KIAA1549L: variants seen among roughly 807,000 people sequenced by gnomAD.
The protein encoded by KIAA1549L is UPF0606 protein KIAA1549L.
In KIAA1549L, 88 loss-of-function variants were observed where a neutral mutation model predicts 160.7. The observed-to-expected ratio is 0.55, with a 90% CI of 0.46 to 0.65. The LOEUF is 0.65. Among genes scored for constraint, KIAA1549L ranks in the 30% least tolerant of loss-of-function variants. KIAA1549L has a pLI of 0.00. For synonymous variants in KIAA1549L, 950 were observed against 976.7 expected (o/e 0.97, Z 0.51); for missense variants, 2,258 against 2,437.5 (o/e 0.93, Z 1.55).
chr11:33,655,274 G>C (rs1272399085), intron 17 of KIAA1549L, among the ~76,000 whole-genome samples: 2 of 151,968 alleles, frequency 1.3e-5, no homozygotes, highest in Non-Finnish European at 2.9e-5. Flanking sequence ...CACACACACA[G>C]ACTTACCTGA....
At chr11:33,597,985 A>G (rs561182503) in intron 12 of KIAA1549L, among the ~76,000 whole-genome samples, 9 of 152,258 alleles carry the variant, frequency 5.9e-5, no homozygotes, top group African/African-American at 2.2e-4. Flanking sequence ...TTTTAAAAGC[A>G]CGCAGTAAAG....
intron 1 of KIAA1549L, among the ~76,000 whole-genome samples, chr11:33,428,635 C>A (rs1430615046): frequency 1.3e-5 from 2 of 152,112 alleles, no homozygotes; most frequent in Non-Finnish European, 2.9e-5. Flanking sequence ...TTAACTCATC[C>A]TTTTTTATGG....
chr11:33,515,660 G>C (rs1319302644), intron 1 of KIAA1549L, among the ~76,000 whole-genome samples: 6 of 152,182 alleles, frequency 3.9e-5, no homozygotes, highest in African/African-American at 1.4e-4. Flanking sequence ...TGCAGCGTGG[G>C]ATACAAGTCT....
intron 16 of KIAA1549L, among the ~76,000 whole-genome samples, chr11:33,628,714 A>G (rs1851188344): frequency 6.7e-6 from 1 of 149,142 alleles, no homozygotes; most frequent in South Asian, 2.2e-4. Context: ...AATACAGCAC[A>G]CTGATGGGTC....
rs867313500 is a variant in KIAA1549L, at chr11:33,673,338, C to A, written c.*5184C>A. On this transcript the variant is annotated 3_prime_UTR_variant, in exon 21 of 21. Transcript: ENST00000658780. ...TTTGCAAATTATGGAGAGAGGCCAT[C>A]AACATATTTTACATAAATTACTGTG... 5.3e-5 allele frequency: 8 copies of A among 152,272 alleles called. No individual in the cohort carries two copies. In the South Asian group the frequency reaches 1.7e-3, roughly 32 times the overall value. The allele number at this position is 152,272 out of a possible 1,614,324, so 9.4% of individuals were successfully genotyped here.
Position 33,606,788 on chromosome 11 carries a change from G to C in KIAA1549L, c.5027G>C (p.Arg1676Thr). ...ALPMVPPTSD[R>T]SQESSAVLNG... ...CCCATGGTGCCCCCCACCTCGGACA[G>C]GAGCCAGGAGTCATCGGCAGTCCTC... Residue 1676 changes from arginine (R) to threonine (T), a missense_variant, in exon 14 of 21, where the codon AGG becomes ACG. This residue lies in a region of KIAA1549L where 1,359 missense variants were observed against 1,546.6 expected (regional missense o/e 0.88). Coordinates refer to ENST00000658780, the MANE Select transcript of KIAA1549L (RefSeq NM_012194.3). The C allele has an allele frequency of 6.2e-7, 1 of 1,612,660 alleles. No homozygotes were observed. The highest frequency in any genetic ancestry group is 8.5e-7 in the Non-Finnish European group (1 of 1,179,324).
chr11:33,521,062 G>T (rs1249435966), intron 1 of KIAA1549L, among the ~76,000 whole-genome samples: 1 of 152,128 alleles, frequency 6.6e-6, no homozygotes, highest in African/African-American at 2.4e-5. Flanking sequence ...AGCTACTCAG[G>T]AGGCTGAGGT....
intron 1 of KIAA1549L, among the ~76,000 whole-genome samples, chr11:33,418,940 C>G (rs1391331960): frequency 1.3e-5 from 2 of 150,844 alleles, no homozygotes; most frequent in African/African-American, 4.9e-5. Flanking sequence ...GGCTCTGTCA[C>G]CCAGGCTGGA....
At chr11:33,609,662 T>C (rs1590394345) in intron 14 of KIAA1549L, 87 bp from the exon 15 acceptor site, 1 of 1,100,354 alleles carries the variant, frequency 9.1e-7, no homozygotes, top group Middle Eastern at 2.9e-4. Flanking sequence ...TGATGGCTTT[T>C]TTAGAAGTGA....
chr11:33,594,380 G>C (rs77551315), intron 12 of KIAA1549L, among the ~76,000 whole-genome samples: 5,543 of 152,164 alleles, frequency 0.036, 339 homozygotes, highest in African/African-American at 0.13. Context: ...GGTTCTTCTG[G>C]TCTCAGCTAG....
chr11:33,533,933 C>G (rs924342290), intron 1 of KIAA1549L, among the ~76,000 whole-genome samples: 1 of 152,188 alleles, frequency 6.6e-6, no homozygotes, highest in Non-Finnish European at 1.5e-5. Context: ...ACTAATTCCC[C>G]CTTGTGGGAA....
At position 33,547,485 on chromosome 11, in the gene KIAA1549L, G is replaced by A. The variant is rs180995096; in HGVS notation, c.3386-279G>A. On this transcript the variant is annotated intron_variant, in intron 3 of 20. Coordinates refer to ENST00000658780, the MANE Select transcript of KIAA1549L (RefSeq NM_012194.3). ...ATCTCATCGCATGCACTGTCGAGCC[G>A]GCTTTCAAAGTCAGAGGCAGCATCT... Among the ~76,000 whole-genome samples the A allele has an allele frequency of 1.4e-4, 22 of 152,294 alleles. No individual in the cohort carries two copies. In the East Asian group the frequency reaches 3.7e-3, roughly 25 times the overall value.
chr11:33,639,027 A>C (rs1851516629), intron 16 of KIAA1549L, among the ~76,000 whole-genome samples: 1 of 152,110 alleles, frequency 6.6e-6, no homozygotes, highest in Non-Finnish European at 1.5e-5. Flanking sequence ...AAATCCTAAT[A>C]TTTTCTTGTG....
At chr11:33,393,619 A>G (rs960946630) in intron 1 of KIAA1549L, among the ~76,000 whole-genome samples, 3 of 152,226 alleles carry the variant, frequency 2.0e-5, no homozygotes, top group East Asian at 1.9e-4. Flanking sequence ...GGAAGATACT[A>G]TAAAGTCAAG....
chr11:33,408,339 C>T (rs368036868), intron 1 of KIAA1549L, among the ~76,000 whole-genome samples: 41 of 151,998 alleles, frequency 2.7e-4, no homozygotes, highest in Non-Finnish European at 4.3e-4. Flanking sequence ...ATAGCATCTG[C>T]GTGATCTTGG....
intron 1 of KIAA1549L, among the ~76,000 whole-genome samples, chr11:33,381,587 C>A (rs185333434): frequency 1.3e-4 from 20 of 152,210 alleles, no homozygotes; most frequent in African/African-American, 3.1e-4. Flanking sequence ...TGACTGGGTA[C>A]TTTAGTTGGA....
At position 33,542,991 on chromosome 11, in the gene KIAA1549L, C is replaced by T; in HGVS notation, c.1428C>T (p.Ile476=). Residue 476 remains isoleucine (I), a synonymous_variant, in exon 2 of 21, where the codon ATC becomes ATT. Transcript: ENST00000658780. ...CTTCTTTGGTGCCTTCTCTGCATAT[C>T]ACCACACTGGGTCAAGAGCAAGCCA... The part of the protein sequence containing the change: ...HTSSLVPSLH[I]TTLGQEQAIL... 6.2e-7 allele frequency: 1 copy of T among 1,614,012 alleles called. No individual in the cohort carries two copies. Among genetic ancestry groups the T allele is most frequent in the Non-Finnish European group, 8.5e-7 (1 of 1,179,894 alleles).
chr11:33,598,761 G>A, intron 12 of KIAA1549L, 59 bp from the exon 13 acceptor site: 1 of 1,598,748 alleles, frequency 6.3e-7, no homozygotes, highest in Admixed American at 1.7e-5. Context: ...AAATAACCTT[G>A]AGAGGCGGCT....
chr11:33,475,947 G>C (rs1283532056), intron 1 of KIAA1549L, among the ~76,000 whole-genome samples: 2 of 152,114 alleles, frequency 1.3e-5, no homozygotes, highest in Non-Finnish European at 2.9e-5. Context: ...TTAAATCTGG[G>C]GTGGGCCTGG....
Sources: allele counts gnomAD v4.1 joint callset (sites outside exome capture counted in the v4.1 genomes callset), GRCh38; gene constraint gnomAD v4.1.1; regional missense constraint gnomAD v4.1.1; transcripts MANE v1.5; gene names NCBI Gene and HGNC (gene_info 2026-07-23, HGNC 2026-07-21).